ATRNL1: variants seen among roughly 807,000 people sequenced by gnomAD.
The protein encoded by ATRNL1 is attractin like 1, also known as attractin-like protein 1.
ATRNL1 carries 95 observed loss-of-function variants against 182.7 expected under a neutral mutation model. That is an observed-to-expected ratio of 0.52 (90% CI 0.44 to 0.62). The LOEUF is 0.62. Among genes scored for constraint, ATRNL1 ranks in the 20% least tolerant of loss-of-function variants. ATRNL1 has a pLI of 0.00. For missense variants in ATRNL1, 1,471 were observed against 1,679.5 expected, an observed-to-expected ratio of 0.88 and a Z score of 2.17; for synonymous variants, 576 against 568.3, an observed-to-expected ratio of 1.01 and a Z score of -0.19.
At chr10:115,910,012 G>A (rs1952625476) in intron 28 of ATRNL1, among the ~76,000 whole-genome samples, 1 of 152,162 alleles carries the variant, frequency 6.6e-6, no homozygotes, top group African/African-American at 2.4e-5. Flanking sequence ...AGGAGTGGAG[G>A]AGGAGAAGAC....
At chr10:115,680,568 T>C (rs1946014285) in intron 26 of ATRNL1, among the ~76,000 whole-genome samples, 1 of 152,126 alleles carries the variant, frequency 6.6e-6, no homozygotes, top group Admixed American at 6.6e-5. Flanking sequence ...TTATGAAAAG[T>C]CTATGTAAAT....
At chr10:115,678,663 GT>G (rs1945946327) in intron 26 of ATRNL1, among the ~76,000 whole-genome samples, 1 of 151,968 alleles carries the variant, frequency 6.6e-6, no homozygotes, top group Admixed American at 6.6e-5. Context: ...TATATTATCT[GT>G]CCCCTTCCAA....
intron 1 of ATRNL1, among the ~76,000 whole-genome samples, chr10:115,111,326 C>T (rs781784122): frequency 3.9e-5 from 6 of 152,200 alleles, no homozygotes; most frequent in Non-Finnish European, 8.8e-5. Flanking sequence ...AGCTCAGAAT[C>T]AGCTGATGTT....
At chr10:115,201,806 A>G (rs1322584365) in intron 8 of ATRNL1, among the ~76,000 whole-genome samples, 1 of 152,144 alleles carries the variant, frequency 6.6e-6, no homozygotes, top group Non-Finnish European at 1.5e-5. Context: ...CATTGAACCT[A>G]TAAATTACCT....
chr10:115,638,024 G>GT (rs1858997949), intron 26 of ATRNL1, among the ~76,000 whole-genome samples: 1 of 152,010 alleles, frequency 6.6e-6, no homozygotes, highest in African/African-American at 2.4e-5. Context: ...CTACTATACA[G>GT]TTTTTATAAA....
chr10:115,518,430 T>C (rs1850747629), intron 24 of ATRNL1, among the ~76,000 whole-genome samples: 2 of 151,996 alleles, frequency 1.3e-5, no homozygotes, highest in Non-Finnish European at 2.9e-5. Flanking sequence ...AACTCACTTA[T>C]ATTGACATCT....
At chr10:115,835,056 T>G (rs1201550871) in intron 27 of ATRNL1, among the ~76,000 whole-genome samples, 1 of 152,158 alleles carries the variant, frequency 6.6e-6, no homozygotes, top group Non-Finnish European at 1.5e-5. Flanking sequence ...CAATTAATAA[T>G]AGTTGACATT....
chr10:115,854,239 A>G (rs534469788), intron 28 of ATRNL1, among the ~76,000 whole-genome samples: 1 of 152,218 alleles, frequency 6.6e-6, no homozygotes, highest in Admixed American at 6.5e-5. Context: ...AGTGATAAAC[A>G]TAGTCATTAA....
chr10:115,382,859 C>A (rs1554951600), intron 19 of ATRNL1, among the ~76,000 whole-genome samples: 1 of 151,766 alleles, frequency 6.6e-6, no homozygotes, highest in Admixed American at 6.6e-5. Flanking sequence ...TAAAAAAATG[C>A]CCACACTATT....
chr10:115,493,957 G>A (rs1283490988), intron 24 of ATRNL1, among the ~76,000 whole-genome samples: 1 of 151,964 alleles, frequency 6.6e-6, no homozygotes, highest in Non-Finnish European at 1.5e-5. Flanking sequence ...CATTTTAATG[G>A]GGTTATGTTT....
rs782362495 is a variant in ATRNL1, at chr10:115,315,749, T to C, written c.3037+13T>C. The C allele has an allele frequency of 1.9e-6, 3 of 1,596,730 alleles. No individual in the cohort carries two copies. The highest frequency in any genetic ancestry group is 2.6e-6 in the Non-Finnish European group (3 of 1,168,226). ...ATCCAGTGTCCAGGTAATAATAATG[T>C]AATGGAAACAATTTCAGTTTCTGCT... On this transcript the variant is annotated intron_variant, in intron 18 of 28. Coordinates refer to ENST00000355044, the MANE Select transcript of ATRNL1 (RefSeq NM_207303.4).
intron 26 of ATRNL1, among the ~76,000 whole-genome samples, chr10:115,570,192 G>C (rs1288226133): frequency 6.6e-6 from 1 of 152,134 alleles, no homozygotes; most frequent in Non-Finnish European, 1.5e-5. Flanking sequence ...TCAAACTCCT[G>C]ACCTTGTGCT....
intron 5 of ATRNL1, 87 bp downstream of exon 5, chr10:115,129,622 A>G: frequency 1.9e-6 from 2 of 1,057,048 alleles, no homozygotes; most frequent in Non-Finnish European, 2.8e-6. Flanking sequence ...GTTTCGTTAT[A>G]GTTTGCACAC....
In ATRNL1 at chr10:115,255,982, A is replaced by G. The variant is rs181405967; in HGVS notation, c.1688-9211A>G. Reference sequence around the variant, plus strand: ...TGAACCAGCCTTGCATCCCAGGGATAAAGCTGACTTGATCGTGGTGGATAA... The same window carrying G: ...TGAACCAGCCTTGCATCCCAGGGATGAAGCTGACTTGATCGTGGTGGATAA... On this transcript the variant is annotated intron_variant, in intron 10 of 28. Coordinates refer to ENST00000355044, the MANE Select transcript of ATRNL1 (RefSeq NM_207303.4). Among the ~76,000 whole-genome samples the G allele has an allele frequency of 2.3e-3, 356 of 152,284 alleles. 1 individual carries two copies. The Middle Eastern group carries it at 0.024, about 10-fold the overall frequency.
At chr10:115,210,760 T>C (rs1848989838) in intron 8 of ATRNL1, among the ~76,000 whole-genome samples, 1 of 151,924 alleles carries the variant, frequency 6.6e-6, no homozygotes, top group African/African-American at 2.4e-5. Flanking sequence ...ATTTTGATAG[T>C]ATCTTCTGTA....
chr10:115,115,963 C>G (rs965975164), intron 1 of ATRNL1, among the ~76,000 whole-genome samples: 4 of 152,042 alleles, frequency 2.6e-5, no homozygotes, highest in Admixed American at 2.6e-4. Flanking sequence ...ATTAAGGACT[C>G]TACTTTCAGC....
chr10:115,305,766 G>A (rs776059916), intron 17 of ATRNL1, among the ~76,000 whole-genome samples: 82 of 152,242 alleles, frequency 5.4e-4, no homozygotes, highest in Non-Finnish European at 6.3e-4. Context: ...GCGTATTTAG[G>A]TGGTAAAACT....
intron 27 of ATRNL1, among the ~76,000 whole-genome samples, chr10:115,842,127 C>T (rs1291196239): frequency 6.6e-6 from 1 of 151,640 alleles, no homozygotes; most frequent in Non-Finnish European, 1.5e-5. Flanking sequence ...ATATTTCACT[C>T]ATATATCAGA....
At chr10:115,481,458 A>G (rs1848762929) in intron 24 of ATRNL1, among the ~76,000 whole-genome samples, 1 of 150,866 alleles carries the variant, frequency 6.6e-6, no homozygotes, top group African/African-American at 2.4e-5. Flanking sequence ...AAGGTATTGT[A>G]TATGATTTAG....
Sources: gnomAD v4.1 joint callset for allele counts (sites outside exome capture counted in the v4.1 genomes callset) on GRCh38, gnomAD v4.1.1 for gene constraint, MANE v1.5 for transcripts, NCBI Gene and HGNC (gene_info 2026-07-23, HGNC 2026-07-21) for gene names.